The following DCLK2 variants were observed in gnomAD, a reference collection of about 807,000 sequenced individuals.
The protein encoded by DCLK2 is doublecortin like kinase 2, also known as serine/threonine-protein kinase DCLK2.
DCLK2 carries 31 observed loss-of-function variants against 78.4 expected under a neutral mutation model. That is an observed-to-expected ratio of 0.40 (90% CI 0.30 to 0.53). DCLK2 has a LOEUF of 0.53. Ranked by LOEUF, DCLK2 falls within the 20% of genes least tolerant of loss-of-function variation. The pLI, the probability that DCLK2 is intolerant of heterozygous loss-of-function variation, is 0.61. For missense variants in DCLK2, 872 were observed against 973.7 expected (o/e 0.90, Z 1.39); for synonymous variants, 407 against 374.9 (o/e 1.09, Z -0.99).
chr4:150,155,001 C>T (rs749162679), intron 2 of DCLK2, among the ~76,000 whole-genome samples: 3 of 152,036 alleles, frequency 2.0e-5, no homozygotes, highest in African/African-American at 4.8e-5. Context: ...GAGGCCTAGG[C>T]GGGTGGATCA....
At position 150,194,309 on chromosome 4, in the gene DCLK2, G is replaced by A. The variant is rs536966618; in HGVS notation, c.859+1069G>A. 4.6e-5 allele frequency among the ~76,000 whole-genome samples: 7 copies of A among 152,212 alleles called. No homozygotes were observed. The South Asian group carries it at 1.5e-3, about 32-fold the overall frequency. On this transcript the variant is annotated intron_variant, in intron 3 of 15. Coordinates refer to ENST00000296550, the MANE Select transcript of DCLK2 (RefSeq NM_001040260.4). ...ACCATATAGTCTGGGTGAGTACTAG[G>A]CTACACCATGTAGATTTGTGTAAGT...
chr4:150,229,712 C>T (rs946312274), intron 8 of DCLK2, among the ~76,000 whole-genome samples: 1 of 152,114 alleles, frequency 6.6e-6, no homozygotes, highest in African/African-American at 2.4e-5. Context: ...GCCAAGTTAG[C>T]AGTTTTGTCA....
intron 2 of DCLK2, among the ~76,000 whole-genome samples, chr4:150,104,359 A>C (rs1234087384): frequency 7.8e-6 from 1 of 127,616 alleles, no homozygotes; most frequent in African/African-American, 3.0e-5. Flanking sequence ...CTGCACTCCA[A>C]CCTGGGTGCT....
chr4:150,157,469 A>AT (rs1243803926), intron 2 of DCLK2, among the ~76,000 whole-genome samples: 1 of 148,236 alleles, frequency 6.7e-6, no homozygotes, highest in African/African-American at 2.5e-5. Flanking sequence ...TAAATTTTGT[A>AT]TTTTTTGTAG....
intron 2 of DCLK2, among the ~76,000 whole-genome samples, chr4:150,121,020 G>A (rs536713854): frequency 1.3e-5 from 2 of 152,184 alleles, no homozygotes; most frequent in African/African-American, 4.8e-5. Flanking sequence ...GCAGTGAACC[G>A]AGACTGCGCT....
At chr4:150,114,605 C>T (rs903950643) in intron 2 of DCLK2, among the ~76,000 whole-genome samples, 1 of 152,150 alleles carries the variant, frequency 6.6e-6, no homozygotes, top group Non-Finnish European at 1.5e-5. Flanking sequence ...ATTTCCTTAG[C>T]ATTTGCTTCT....
At chr4:150,097,196 G>C (rs544002214) in intron 1 of DCLK2, among the ~76,000 whole-genome samples, 35 of 144,558 alleles carry the variant, frequency 2.4e-4, no homozygotes, top group African/African-American at 9.0e-4. Flanking sequence ...TTTTGAGACA[G>C]AGTCCCGCCC....
chr4:150,192,435 G>T lies in DCLK2; in HGVS notation c.757-703G>T, dbSNP rs149073432. On this transcript the variant is annotated intron_variant, in intron 2 of 15. Coordinates refer to ENST00000296550, the MANE Select transcript of DCLK2 (RefSeq NM_001040260.4). ...ATGGAGATTGCAGTGAGCCGAAATCGCACCACTGCACTCCAGCCTGGTGAC... is the reference window on the plus strand; with the variant it reads ...ATGGAGATTGCAGTGAGCCGAAATCTCACCACTGCACTCCAGCCTGGTGAC... Among the ~76,000 whole-genome samples, 352 of 133,742 alleles carry T rather than the reference G, an allele frequency of 2.6e-3. 3 individuals are homozygous for T. Among genetic ancestry groups the T allele is most frequent in the African/African-American group, 9.2e-3 (328 of 35,586 alleles). The allele number at this position is 133,742 out of a possible 152,430, so 87.7% of individuals were successfully genotyped here. A position where few individuals can be genotyped will look rare whatever the true frequency, so the allele number is the denominator to read the frequency against.
chr4:150,229,358 G>A (rs1025563504), intron 8 of DCLK2, among the ~76,000 whole-genome samples: 23 of 152,122 alleles, frequency 1.5e-4, no homozygotes, highest in African/African-American at 5.1e-4. Context: ...CAAATGCCTA[G>A]AAGTCTAGGT....
At chr4:150,082,692 A>G (rs539106850) in intron 1 of DCLK2, among the ~76,000 whole-genome samples, 3 of 152,210 alleles carry the variant, frequency 2.0e-5, no homozygotes, top group Non-Finnish European at 4.4e-5. Flanking sequence ...TGGAAAAATT[A>G]GTTGAGCTGT....
In DCLK2 at chr4:150,125,120, ATCT is replaced by A. The variant is rs538303296; in HGVS notation, c.756+22310_756+22312del. Among the ~76,000 whole-genome samples, 9 of 152,316 alleles carry A rather than the reference ATCT, an allele frequency of 5.9e-5. No homozygotes were observed. In the East Asian group the frequency reaches 1.7e-3, roughly 29 times the overall value. Reference sequence around the variant, plus strand: ...ATGTTGTCATGTCGTTCTCAAGATCATCTTGTGGTAGGTATATGGTTGTATTCC... The same window carrying A: ...ATGTTGTCATGTCGTTCTCAAGATCATGTGGTAGGTATATGGTTGTATTCC... On this transcript the variant is annotated intron_variant, in intron 2 of 15. Coordinates refer to ENST00000296550, the MANE Select transcript of DCLK2 (RefSeq NM_001040260.4).
intron 2 of DCLK2, among the ~76,000 whole-genome samples, chr4:150,189,870 C>G (rs1351684454): frequency 2.0e-5 from 3 of 151,498 alleles, no homozygotes; most frequent in Non-Finnish European, 4.4e-5. Context: ...ACAGGGAACA[C>G]CCATGCCCAC....
At chr4:150,191,814 T>G (rs1738475636) in intron 2 of DCLK2, among the ~76,000 whole-genome samples, 1 of 152,202 alleles carries the variant, frequency 6.6e-6, no homozygotes, top group African/African-American at 2.4e-5. Flanking sequence ...CTACATTGTA[T>G]CTAGTTCACT....
intron 15 of DCLK2, among the ~76,000 whole-genome samples, chr4:150,253,088 A>ATCCTCCTCG (rs1237273335): frequency 1.4e-5 from 2 of 146,626 alleles, no homozygotes; most frequent in African/African-American, 2.5e-5. Context: ...CGTCCTCCTC[A>ATCCTCCTCG]TCCTCCTCGT....
intron 2 of DCLK2, among the ~76,000 whole-genome samples, chr4:150,179,092 ATCTCGGCTCACTGCAAGC>A (rs1237493369): frequency 3.9e-5 from 6 of 152,146 alleles, no homozygotes; most frequent in African/African-American, 1.4e-4. Context: ...CAGTGGCGCG[ATCTCGGCTCACTGCAAGC>A]TCTGCCTCCC....
intron 10 of DCLK2, among the ~76,000 whole-genome samples, chr4:150,233,524 G>GA (rs1230541397): frequency 3.9e-5 from 6 of 152,338 alleles, no homozygotes; most frequent in African/African-American, 7.2e-5. Context: ...GCTCATAGGA[G>GA]ACAGGAGTAG....
chr4:150,222,908 C>G (rs1227676756), intron 7 of DCLK2, among the ~76,000 whole-genome samples: 2 of 150,916 alleles, frequency 1.3e-5, no homozygotes, highest in Admixed American at 1.3e-4. Context: ...TTTGCCTATT[C>G]CAGATTTTTT....
Position 150,249,666 on chromosome 4 carries a change from C to CGG in DCLK2, c.2058_2059dup (p.Val687GlyfsTer6). The CGG allele has an allele frequency of 6.2e-7, 1 of 1,613,500 alleles. No individual in the cohort carries two copies. Among genetic ancestry groups the CGG allele is most frequent in the Non-Finnish European group, 8.5e-7 (1 of 1,179,874 alleles). On this transcript the variant is annotated frameshift_variant, in exon 15 of 16. Coordinates refer to ENST00000296550, the MANE Select transcript of DCLK2 (RefSeq NM_001040260.4). LOFTEE classifies it low-confidence loss of function (END_TRUNC). ...TCCCCAAACAGAACAGCACTACCAC[C>CGG]GGGGTCTCCGTCATCATGGTGAGTG...
chr4:150,119,492 C>G (rs1732363130), intron 2 of DCLK2, among the ~76,000 whole-genome samples: 2 of 152,076 alleles, frequency 1.3e-5, no homozygotes, highest in Admixed American at 1.3e-4. Context: ...ATTTCTATAC[C>G]TGGGAAAGGC....
Sources: gnomAD v4.1 joint callset for allele counts (sites outside exome capture counted in the v4.1 genomes callset) on GRCh38, gnomAD v4.1.1 for gene constraint, MANE v1.5 for transcripts, NCBI Gene and HGNC (gene_info 2026-07-23, HGNC 2026-07-21) for gene names.